Variants in CSMD1 observed in about 807,000 individuals in gnomAD.
CSMD1 encodes the protein CUB and Sushi multiple domains 1, also known as CUB and sushi domain-containing protein 1.
Under a neutral mutation model 417.5 loss-of-function variants are expected in CSMD1, and 213 were observed. The ratio of observed to expected loss-of-function variants is 0.51; its 90% CI spans 0.46 to 0.57. CSMD1 has a LOEUF of 0.57. Among genes scored for constraint, CSMD1 ranks in the 20% least tolerant of loss-of-function variants. CSMD1 has a pLI of 0.00. For synonymous variants in CSMD1, 2,862 were observed against 1,736.8 expected, an observed-to-expected ratio of 1.65 and a Z score of -16.11; for missense variants, 6,923 against 4,529.7, an observed-to-expected ratio of 1.53 and a Z score of -15.17.
intron 46 of CSMD1, among the ~76,000 whole-genome samples, chr8:3,098,291 C>T (rs1157247342): frequency 6.6e-6 from 1 of 152,080 alleles, no homozygotes; most frequent in African/African-American, 2.4e-5. Context: ...TAAATGTGTG[C>T]TATTTATACA....
chr8:3,928,441 T>G (rs551834989), intron 5 of CSMD1, among the ~76,000 whole-genome samples: 44 of 152,336 alleles, frequency 2.9e-4, no homozygotes, highest in African/African-American at 9.9e-4. Context: ...CAAAAACCAG[T>G]AACTGCTGAA....
At chr8:3,532,248 T>C (rs1798014003) in intron 10 of CSMD1, among the ~76,000 whole-genome samples, 1 of 152,162 alleles carries the variant, frequency 6.6e-6, no homozygotes, top group African/African-American at 2.4e-5. Flanking sequence ...ACTCTAGGTG[T>C]CAAGCCAGAC....
intron 2 of CSMD1, among the ~76,000 whole-genome samples, chr8:4,555,412 G>A (rs1171029346): frequency 6.6e-6 from 1 of 152,146 alleles, no homozygotes; most frequent in African/African-American, 2.4e-5. Flanking sequence ...CAGCGCAGGT[G>A]CATGGAGACC....
chr8:3,782,262 G>A (rs1308861902), intron 5 of CSMD1, among the ~76,000 whole-genome samples: 1 of 152,110 alleles, frequency 6.6e-6, no homozygotes, highest in Non-Finnish European at 1.5e-5. Context: ...TGCTTGCTTT[G>A]TTTAATGATA....
chr8:3,406,371 A>G (rs1812343778), intron 14 of CSMD1, 150 bp from the exon 15 acceptor site: 1 of 565,888 alleles, frequency 1.8e-6, no homozygotes, highest in Non-Finnish European at 2.9e-6. Flanking sequence ...TAGATAGATA[A>G]TACATTAATA....
chr8:4,572,785 G>A (rs752331633), intron 2 of CSMD1, among the ~76,000 whole-genome samples: 1 of 152,130 alleles, frequency 6.6e-6, no homozygotes, highest in African/African-American at 2.4e-5. Flanking sequence ...TTTTCACACA[G>A]TCCCATATTT....
At chr8:4,403,721 C>G (rs1403416979) in intron 3 of CSMD1, among the ~76,000 whole-genome samples, 4 of 152,172 alleles carry the variant, frequency 2.6e-5, no homozygotes, top group Non-Finnish European at 5.9e-5. Flanking sequence ...TCACTCTCTT[C>G]TTGCCTGCTG....
At chr8:3,936,207 C>A (rs181795250) in intron 5 of CSMD1, among the ~76,000 whole-genome samples, 4 of 149,146 alleles carry the variant, frequency 2.7e-5, no homozygotes, top group Admixed American at 2.7e-4. Context: ...AAGCCATCTG[C>A]GTAACATAAA....
At chr8:4,806,060 T>A (rs1391968631) in intron 1 of CSMD1, among the ~76,000 whole-genome samples, 2 of 152,176 alleles carry the variant, frequency 1.3e-5, no homozygotes, top group Non-Finnish European at 2.9e-5. Context: ...AACCCGGATT[T>A]TCGGTGTCAT....
chr8:4,009,407 G>C (rs534566026), intron 4 of CSMD1, among the ~76,000 whole-genome samples: 2 of 152,128 alleles, frequency 1.3e-5, no homozygotes, highest in Non-Finnish European at 2.9e-5. Flanking sequence ...TTATCATAAA[G>C]AAAAATTGAA....
intron 1 of CSMD1, among the ~76,000 whole-genome samples, chr8:4,936,601 A>T (rs1420352770): frequency 6.6e-6 from 1 of 152,202 alleles, no homozygotes; most frequent in African/African-American, 2.4e-5. Context: ...ACTTTATTTG[A>T]TATATTTGTC....
At chr8:4,546,961 C>T (rs538988473) in intron 2 of CSMD1, among the ~76,000 whole-genome samples, 6 of 152,222 alleles carry the variant, frequency 3.9e-5, no homozygotes, top group Non-Finnish European at 5.9e-5. Flanking sequence ...GCCTCATTCA[C>T]GTACATGAAG....
intron 5 of CSMD1, among the ~76,000 whole-genome samples, chr8:3,891,580 G>C (rs1806977395): frequency 1.3e-5 from 2 of 152,084 alleles, no homozygotes; most frequent in South Asian, 4.1e-4. Context: ...CTAGTTGGGA[G>C]GCTGAGATGC....
At chr8:4,912,203 C>G (rs1171134844) in intron 1 of CSMD1, among the ~76,000 whole-genome samples, 1 of 148,464 alleles carries the variant, frequency 6.7e-6, no homozygotes, top group African/African-American at 2.5e-5. Flanking sequence ...GAAAAGTCCT[C>G]TTACTGAGCT....
chr8:4,452,244 C>T (rs1310627294), intron 2 of CSMD1, among the ~76,000 whole-genome samples: 3 of 152,166 alleles, frequency 2.0e-5, no homozygotes, highest in African/African-American at 7.2e-5. Context: ...ACAACCCAAA[C>T]TGAACGCCTC....
intron 6 of CSMD1, among the ~76,000 whole-genome samples, chr8:3,730,916 A>T (rs1585147489): frequency 6.6e-6 from 1 of 152,222 alleles, no homozygotes; most frequent in African/African-American, 2.4e-5. Context: ...GCTGCTTCAA[A>T]GTGCCATTTC....
Position 3,753,956 on chromosome 8 carries a change from C to G in CSMD1, c.905G>C (p.Arg302Pro), listed in dbSNP as rs754405745. ...LHFTSDSNHR[R>P]KGFNAQFQVK... ...TTGGAACTGAGCGTTAAATCCTTTG[C>G]GTCGGTGGTTGCTGTCAGAGGTGAA... Residue 302 changes from arginine to proline, a missense_variant, in exon 6 of 70, where the codon CGC becomes CCC. By Grantham distance (103) the Arg-to-Pro change is moderately radical. Transcript: ENST00000635120. 6.2e-7 allele frequency: 1 copy of G among 1,611,238 alleles called. No homozygotes were observed. The highest frequency in any genetic ancestry group is 1.1e-5 in the South Asian group (1 of 91,004).
intron 3 of CSMD1, among the ~76,000 whole-genome samples, chr8:4,299,038 G>A (rs1166612747): frequency 6.6e-6 from 1 of 152,032 alleles, no homozygotes; most frequent in African/African-American, 2.4e-5. Flanking sequence ...TAAAAGAACT[G>A]TAGGAAATAA....
At chr8:4,678,242 C>T (rs576614838) in intron 1 of CSMD1, among the ~76,000 whole-genome samples, 6 of 151,980 alleles carry the variant, frequency 3.9e-5, no homozygotes, top group African/African-American at 1.2e-4. Context: ...GAAACCCTGT[C>T]TCTAATGAAA....
Sources: gnomAD v4.1 joint callset for allele counts (sites outside exome capture counted in the v4.1 genomes callset) on GRCh38, gnomAD v4.1.1 for gene constraint, MANE v1.5 for transcripts, NCBI Gene and HGNC (gene_info 2026-07-23, HGNC 2026-07-21) for gene names.